CREB5: variants seen among roughly 807,000 people sequenced by gnomAD.
The protein encoded by CREB5 is cAMP responsive element binding protein 5, also known as cyclic AMP-responsive element-binding protein 5.
A neutral mutation model predicts 57.1 loss-of-function variants in CREB5; 19 were observed. The observed-to-expected ratio is 0.33, with a 90% CI of 0.23 to 0.49. The LOEUF is 0.49. Among genes scored for constraint, CREB5 ranks in the 20% least tolerant of loss-of-function variants. CREB5 has a pLI of 0.99. For synonymous variants in CREB5, 238 were observed against 238.3 expected (o/e 1.00, Z 0.01); for missense variants, 579 against 671.6 (o/e 0.86, Z 1.52).
intron 9 of CREB5, among the ~76,000 whole-genome samples, chr7:28,816,610 T>C (rs1433164592): frequency 6.6e-6 from 1 of 152,216 alleles, no homozygotes; most frequent in African/African-American, 2.4e-5. Context: ...ACTCAATATG[T>C]GGTTGCTTAT....
At chr7:28,407,504 A>G (rs1229620799) in intron 1 of CREB5, among the ~76,000 whole-genome samples, 3 of 152,210 alleles carry the variant, frequency 2.0e-5, no homozygotes, top group Non-Finnish European at 4.4e-5. Flanking sequence ...TAGAATCTAC[A>G]CTAATAAATA....
At chr7:28,689,807 T>C (rs779280427) in intron 5 of CREB5, among the ~76,000 whole-genome samples, 2 of 152,320 alleles carry the variant, frequency 1.3e-5, no homozygotes, top group Non-Finnish European at 2.9e-5. Context: ...CACAAAAGCC[T>C]GTGTCTGCTG....
chr7:28,546,580 C>CCAAGA (rs1794432995), intron 4 of CREB5, among the ~76,000 whole-genome samples: 1 of 152,140 alleles, frequency 6.6e-6, no homozygotes. Context: ...TGTGTAGTGG[C>CCAAGA]CAAGACCTGC....
In CREB5 at chr7:28,662,094, G is replaced by A. The variant is rs75873761; in HGVS notation, c.465-56659G>A. ...AGCAGAAAAAAGGGCTGCTCTTCTAGCGGCCTAGACCTGATCCTCCAGAGA... is the reference window on the plus strand; with the variant it reads ...AGCAGAAAAAAGGGCTGCTCTTCTAACGGCCTAGACCTGATCCTCCAGAGA... On this transcript the variant is annotated intron_variant, in intron 5 of 10. Coordinates refer to ENST00000357727, the MANE Select transcript of CREB5 (RefSeq NM_182898.4). 7.3e-3 allele frequency among the ~76,000 whole-genome samples: 1,110 copies of A among 152,272 alleles called. 22 individuals carry two copies. The highest frequency in any genetic ancestry group is 0.025 in the African/African-American group (1,026 of 41,540).
chr7:28,671,414 A>G (rs1800034034), intron 5 of CREB5, among the ~76,000 whole-genome samples: 1 of 152,182 alleles, frequency 6.6e-6, no homozygotes, highest in Non-Finnish European at 1.5e-5. Flanking sequence ...TTGCTTTAGC[A>G]TAAGCATAAT....
intron 7 of CREB5, among the ~76,000 whole-genome samples, chr7:28,798,393 G>C (rs1259728542): frequency 8.7e-6 from 1 of 115,060 alleles, no homozygotes; most frequent in Non-Finnish European, 1.9e-5. Context: ...TGTGCTGCGT[G>C]TGTGCACACT....
rs769489086 is a variant in CREB5 at position 28,724,233 on chromosome 7, A to G, written c.603A>G (p.Gln201=). 3 of 1,613,032 alleles carry G rather than the reference A, an allele frequency of 1.9e-6. No homozygotes were observed. Among genetic ancestry groups the G allele is most frequent in the Non-Finnish European group, 2.5e-6 (3 of 1,179,660 alleles). ...SSAVLMPMER[Q]MSVNSSIMGM... is the part of the protein sequence containing the mutation. ...TTCCTTTCTCTTAGATGGAGCGACA[A>G]ATGTCAGTGAACTCCAGCATCATGG... Residue 201 remains glutamine (Q), a synonymous_variant, in exon 7 of 11, where the codon CAA becomes CAG. Transcript: ENST00000357727.
At chr7:28,808,252 A>G (rs1544470) in intron 8 of CREB5, among the ~76,000 whole-genome samples, 128,864 of 152,216 alleles carry the variant, frequency 0.85, 55,470 homozygotes, top group African/African-American at 0.96. Context: ...CGGCTGGAGT[A>G]TGCAGGTCCA....
intron 7 of CREB5, among the ~76,000 whole-genome samples, chr7:28,757,872 T>A (rs1253054997): frequency 1.3e-5 from 2 of 152,110 alleles, no homozygotes; most frequent in African/African-American, 2.4e-5. Context: ...CCAGTGAGCA[T>A]CTCCTTTGAG....
rs185260809 is a variant in CREB5 at position 28,314,117 on chromosome 7, A to G, written c.-25+14676A>G. ...AGGAAACATATCTATGTTTCCAAGG[A>G]AAAAGCAGGTATTCACTGCCTTTGA... On this transcript the variant is annotated intron_variant, in intron 1 of 9. Coordinates refer to the CREB5 transcript ENST00000396299. Among the ~76,000 whole-genome samples, 5 of 152,290 alleles carry G rather than the reference A, an allele frequency of 3.3e-5. No individual in the cohort carries two copies. In the East Asian group the frequency reaches 9.7e-4, roughly 29 times the overall value.
At chr7:28,533,700 A>C (rs1424606875) in intron 4 of CREB5, among the ~76,000 whole-genome samples, 2 of 152,188 alleles carry the variant, frequency 1.3e-5, no homozygotes, top group Non-Finnish European at 2.9e-5. Context: ...TGTATTGGGC[A>C]GAGGCTGCCT....
intron 5 of CREB5, among the ~76,000 whole-genome samples, chr7:28,694,648 G>T (rs1273566625): frequency 6.6e-6 from 1 of 152,146 alleles, no homozygotes; most frequent in East Asian, 1.9e-4. Context: ...GGGTCAAATG[G>T]TCTTCCTGCC....
At chr7:28,435,318 G>A (rs1788910100) in intron 1 of CREB5, among the ~76,000 whole-genome samples, 1 of 151,766 alleles carries the variant, frequency 6.6e-6, no homozygotes, top group Non-Finnish European at 1.5e-5. Flanking sequence ...CATTTGGCAA[G>A]GTTGTTTTAT....
chr7:28,674,107 G>A (rs902288761), intron 5 of CREB5, among the ~76,000 whole-genome samples: 8 of 150,406 alleles, frequency 5.3e-5, no homozygotes, highest in Non-Finnish European at 1.0e-4. Flanking sequence ...TTGGACTCAC[G>A]CAGATTTTTT....
chr7:28,525,485 AT>A (rs1583577737), intron 4 of CREB5, among the ~76,000 whole-genome samples: 2 of 152,208 alleles, frequency 1.3e-5, no homozygotes, highest in East Asian at 3.9e-4. Flanking sequence ...CCTCACCAGC[AT>A]TTATTATTAT....
chr7:28,445,696 C>A (rs577054278), intron 1 of CREB5, among the ~76,000 whole-genome samples: 8 of 152,030 alleles, frequency 5.3e-5, no homozygotes, highest in African/African-American at 1.7e-4. Flanking sequence ...GGACTACAGG[C>A]GCCCGCCACC....
At chr7:28,353,955 G>A (rs1052937914) in intron 1 of CREB5, among the ~76,000 whole-genome samples, 1 of 152,146 alleles carries the variant, frequency 6.6e-6, no homozygotes, top group Non-Finnish European at 1.5e-5. Context: ...TCTAGAGGTA[G>A]TAAGACACCA....
At chr7:28,311,231 T>G (rs1187507223) in intron 1 of CREB5, among the ~76,000 whole-genome samples, 4 of 151,524 alleles carry the variant, frequency 2.6e-5, no homozygotes, top group African/African-American at 9.7e-5. Context: ...GGAGGCAATA[T>G]AAACGGCACT....
In CREB5 at chr7:28,467,741, A is replaced by T. The variant is rs377325761; in HGVS notation, c.4-20434A>T. ...TAACAGAAAAGCCATCATCTACCTC[A>T]TGTCTATATCAAGTGGGCCAGGACA... On this transcript the variant is annotated intron_variant, in intron 1 of 10. Transcript: ENST00000357727. 4.6e-5 allele frequency among the ~76,000 whole-genome samples: 7 copies of T among 152,232 alleles called. No homozygotes were observed. The South Asian group carries it at 1.0e-3, about 23-fold the overall frequency.
Sources: allele counts gnomAD v4.1 joint callset (sites outside exome capture counted in the v4.1 genomes callset), GRCh38; gene constraint gnomAD v4.1.1; transcripts MANE v1.5; gene names NCBI Gene and HGNC (gene_info 2026-07-23, HGNC 2026-07-21).